Variants in OSBPL1A observed in about 807,000 individuals in gnomAD.
The protein encoded by OSBPL1A is oxysterol binding protein like 1A, also known as oxysterol-binding protein-related protein 1.
Under a neutral mutation model 137.1 loss-of-function variants are expected in OSBPL1A, and 80 were observed. The ratio of observed to expected loss-of-function variants is 0.58; its 90% CI spans 0.49 to 0.70. The LOEUF is 0.70. Among genes scored for constraint, OSBPL1A ranks in the 30% least tolerant of loss-of-function variants. OSBPL1A has a pLI of 0.00. For synonymous variants in OSBPL1A, 365 were observed against 389.7 expected (o/e 0.94, Z 0.75); for missense variants, 970 against 1,129.4 (o/e 0.86, Z 2.02).
Position 24,179,756 on chromosome 18 carries a change from T to C in OSBPL1A, c.1892A>G (p.Glu631Gly). The change falls in exon 20 of 28, where the codon GAG (glutamate) becomes GGG (glycine). Residue 631 changes from glutamate (E) to glycine (G), a missense_variant. Around this residue, in one of 2 missense-constraint regions of OSBPL1A, gnomAD observed 323 missense variants for 456.8 expected, o/e 0.71. Coordinates refer to ENST00000319481, the MANE Select transcript of OSBPL1A (RefSeq NM_080597.4). ...TGKPFNPLLG[E>G]TYELVRDDLG... ...GCCTCACCGCACTAATTCATAAGTC[T>C]CTCCCAGCAGTGGGTTGAAAGGTTT... 1 of 1,614,106 alleles carries C rather than the reference T, an allele frequency of 6.2e-7. No individual in the cohort carries two copies. Among genetic ancestry groups the C allele is most frequent in the Non-Finnish European group, 8.5e-7 (1 of 1,179,988 alleles).
intron 14 of OSBPL1A, among the ~76,000 whole-genome samples, chr18:24,288,270 G>C (rs1321011138): frequency 6.6e-6 from 1 of 152,234 alleles, no homozygotes; most frequent in Non-Finnish European, 1.5e-5. Context: ...GCTGCACAGA[G>C]TGTAGAAGGA....
chr18:24,345,452 C>A (rs939446282), intron 4 of OSBPL1A, among the ~76,000 whole-genome samples: 1 of 152,040 alleles, frequency 6.6e-6, no homozygotes, highest in Non-Finnish European at 1.5e-5. Flanking sequence ...TTTGAGAGGC[C>A]GAGGTGGGCG....
At position 24,329,547 on chromosome 18, in the gene OSBPL1A, CAAAA is replaced by C. The variant is rs369613715; in HGVS notation, c.625+3391_625+3394del. Among the ~76,000 whole-genome samples the C allele has an allele frequency of 9.7e-3, 618 of 63,474 alleles. 5 individuals carry two copies. The highest frequency in any genetic ancestry group is 0.034 in the African/African-American group (592 of 17,182). 41.6% of individuals were successfully genotyped at this position (63,474 alleles called of 152,430 possible). On this transcript the variant is annotated intron_variant, in intron 7 of 27. Transcript: ENST00000319481. Reference sequence around the variant, plus strand: ...CCTGGGTGACAGAGTGAAACTCTGTCAAAAAAAAAAAAAAAAAGAACAGTATGAT... The same window carrying C: ...CCTGGGTGACAGAGTGAAACTCTGTCAAAAAAAAAAAAAGAACAGTATGAT...
At chr18:24,257,423 C>T (rs567613136) in intron 15 of OSBPL1A, among the ~76,000 whole-genome samples, 2 of 152,196 alleles carry the variant, frequency 1.3e-5, no homozygotes, top group Non-Finnish European at 2.9e-5. Context: ...ACTGGATATC[C>T]ATATGCAAAA....
chr18:24,244,091 T>C (rs2088806449), intron 15 of OSBPL1A, among the ~76,000 whole-genome samples: 1 of 151,902 alleles, frequency 6.6e-6, no homozygotes, highest in African/African-American at 2.4e-5. Context: ...ATATGCAAAG[T>C]GCAACTTCAT....
chr18:24,175,402 G>A (rs2086420864), intron 21 of OSBPL1A, among the ~76,000 whole-genome samples: 1 of 151,670 alleles, frequency 6.6e-6, no homozygotes, highest in African/African-American at 2.4e-5. Flanking sequence ...TGCCCAGGCT[G>A]GTCTCTAACT....
intron 15 of OSBPL1A, among the ~76,000 whole-genome samples, chr18:24,250,093 T>G (rs275863): frequency 6.6e-6 from 1 of 152,000 alleles, no homozygotes; most frequent in Non-Finnish European, 1.5e-5. Flanking sequence ...CAAGATAGGA[T>G]GCTGGGCAGA....
chr18:24,170,483 A>G (rs756589346), intron 23 of OSBPL1A, 30 bp from the exon 24 acceptor site: 1 of 1,613,192 alleles, frequency 6.2e-7, no homozygotes, highest in African/African-American at 1.3e-5. Context: ...TTTAGTTAAC[A>G]AACCAGTGTT....
At chr18:24,272,090 G>A in intron 15 of OSBPL1A, 7 of 982,792 alleles carry the variant, frequency 7.1e-6, no homozygotes, top group Non-Finnish European at 8.4e-6. Context: ...GGCGCAGGTA[G>A]GGACCGCCGG....
intron 24 of OSBPL1A, among the ~76,000 whole-genome samples, chr18:24,168,111 A>G (rs994356056): frequency 1.1e-4 from 17 of 152,278 alleles, no homozygotes; most frequent in Admixed American, 9.1e-4. Context: ...TTTATTTTTA[A>G]TATTTTTGAG....
chr18:24,382,234 T>TAAA (rs549411882), intron 1 of OSBPL1A, among the ~76,000 whole-genome samples: 1 of 117,712 alleles, frequency 8.5e-6, no homozygotes, highest in Non-Finnish European at 1.8e-5. Flanking sequence ...ACGTCTCTAC[T>TAAA]AAAAAAAAAA....
At chr18:24,242,790 T>C (rs1210900159) in intron 15 of OSBPL1A, among the ~76,000 whole-genome samples, 3 of 152,098 alleles carry the variant, frequency 2.0e-5, no homozygotes, top group Admixed American at 6.5e-5. Context: ...AGAAGAGACA[T>C]GAAAAATTGA....
chr18:24,252,757 C>T (rs1174138700), intron 15 of OSBPL1A, among the ~76,000 whole-genome samples: 1 of 151,952 alleles, frequency 6.6e-6, no homozygotes, highest in African/African-American at 2.4e-5. Flanking sequence ...AAAATAATAA[C>T]AACAACTTTT....
intron 15 of OSBPL1A, among the ~76,000 whole-genome samples, chr18:24,253,769 C>T (rs1366871196): frequency 1.3e-5 from 2 of 152,118 alleles, no homozygotes; most frequent in Admixed American, 6.5e-5. Flanking sequence ...GCTGATCCAT[C>T]CAACATAGGG....
intron 2 of OSBPL1A, 68 bp from the exon 3 acceptor site, chr18:24,368,440 T>A: frequency 8.6e-7 from 1 of 1,161,096 alleles, no homozygotes; most frequent in Non-Finnish European, 1.3e-6. Flanking sequence ...AATTAACTTC[T>A]CCATAACAAG....
At chr18:24,379,376 T>A (rs1335822038) in intron 1 of OSBPL1A, among the ~76,000 whole-genome samples, 5 of 152,010 alleles carry the variant, frequency 3.3e-5, no homozygotes, top group Non-Finnish European at 5.9e-5. Context: ...AAAAATTAGT[T>A]GGGTCTGCTG....
intron 17 of OSBPL1A, among the ~76,000 whole-genome samples, chr18:24,211,553 T>C (rs1395629908): frequency 1.3e-5 from 2 of 151,494 alleles, no homozygotes; most frequent in Admixed American, 1.3e-4. Context: ...GGACCCCTAC[T>C]CCCCACCACA....
chr18:24,347,200 T>A (rs562351048), intron 4 of OSBPL1A, among the ~76,000 whole-genome samples: 1 of 151,972 alleles, frequency 6.6e-6, no homozygotes, highest in Non-Finnish European at 1.5e-5. Flanking sequence ...TTTTGAGACA[T>A]GAGTCTTGTT....
intron 7 of OSBPL1A, among the ~76,000 whole-genome samples, chr18:24,325,083 A>G (rs2090948726): frequency 6.8e-6 from 1 of 146,770 alleles, no homozygotes; most frequent in African/African-American, 2.6e-5. Context: ...GAGACTCAGT[A>G]TCGAAACAAA....
Sources: allele counts gnomAD v4.1 joint callset (sites outside exome capture counted in the v4.1 genomes callset), GRCh38; gene constraint gnomAD v4.1.1; regional missense constraint gnomAD v4.1.1; transcripts MANE v1.5; gene names NCBI Gene and HGNC (gene_info 2026-07-23, HGNC 2026-07-21).